EEF1A2: variants seen among roughly 807,000 people sequenced by gnomAD.
EEF1A2 encodes the protein elongation factor 1-alpha 2.
In EEF1A2, 5 loss-of-function variants were observed where a neutral mutation model predicts 39.3. The observed-to-expected ratio is 0.13, with a 90% confidence interval of 0.07 to 0.27. The LOEUF (loss-of-function observed/expected upper bound fraction) is 0.27. Ranked by LOEUF, EEF1A2 falls within the 10% of genes least tolerant of loss-of-function variation. EEF1A2 has a pLI of 1.00. For synonymous variants in EEF1A2, 287 were observed against 293.7 expected (o/e 0.98, Z 0.23); for missense variants, 218 against 681.4 (o/e 0.32, Z 7.57).
chr20:63,490,300 C>T (rs1452783605), intron 6 of EEF1A2, 179 bp downstream of exon 6: 6 of 729,270 alleles, frequency 8.2e-6, no homozygotes, highest in South Asian at 3.9e-5. Flanking sequence ...CTCTTGACCT[C>T]GTGATCTGCC....
chr20:63,490,456 C>T, intron 6 of EEF1A2, 23 bp downstream of exon 6: 1 of 1,599,728 alleles, frequency 6.3e-7, no homozygotes. Flanking sequence ...CGCCAGCCCC[C>T]TGGACCCAGC....
At chr20:63,489,267 G>T (rs1246419909) in intron 6 of EEF1A2, 115 bp from the exon 7 acceptor site, 2 of 1,038,576 alleles carry the variant, frequency 1.9e-6, no homozygotes, top group African/African-American at 1.6e-5. Flanking sequence ...TCCTGGGCCC[G>T]GAGTGCTGAC....
chr20:63,490,384 C>G, intron 6 of EEF1A2, 95 bp downstream of exon 6: 3 of 1,482,978 alleles, frequency 2.0e-6, no homozygotes, highest in Non-Finnish European at 2.7e-6. Flanking sequence ...GGTTTTCTCC[C>G]CACGCCAGGC....
In EEF1A2 at chr20:63,489,025, T is replaced by C; in HGVS notation, c.1157A>G (p.Lys386Arg). 6.2e-7 allele frequency: 1 copy of C among 1,612,762 alleles called. No homozygotes were observed. Among genetic ancestry groups the C allele is most frequent in the Non-Finnish European group, 8.5e-7 (1 of 1,179,934 alleles). The change falls in exon 7 of 8, where the codon AAG becomes AGG. Residue 386 changes from lysine to arginine, a missense_variant. By Grantham distance (26) the Lys-to-Arg change is conservative. This residue lies in a region of EEF1A2 where 80 missense variants were observed against 295.9 expected (regional missense o/e 0.27). Coordinates refer to ENST00000217182, the MANE Select transcript of EEF1A2 (RefSeq NM_001958.5). ...CAGGGACTTGGGGTTGTCCTCCAGC[T>C]TCTTGCCAGAGCGCCGGTCAATCTT... ...KEKIDRRSGK[K>R]LEDNPKSLKS...
chr20:63,490,080 T>C, intron 6 of EEF1A2: 1 of 159,776 alleles, frequency 6.3e-6, no homozygotes, highest in Non-Finnish European at 1.4e-5. Context: ...TTTTTTTTTT[T>C]CTTTTGAGAC....
chr20:63,488,498 G>T, intron 7 of EEF1A2, 73 bp from the exon 8 acceptor site: 3 of 1,318,210 alleles, frequency 2.3e-6, no homozygotes, highest in Non-Finnish European at 2.9e-6. Flanking sequence ...CTCTGGCCGG[G>T]CGGGGGCGCA....
At chr20:63,496,228 G>A (rs2082416034) in intron 2 of EEF1A2, 193 bp from the exon 3 acceptor site, 1 of 652,210 alleles carries the variant, frequency 1.5e-6, no homozygotes. Context: ...GCCCCCCAGG[G>A]CCGGCCTCCG....
chr20:63,494,237 C>A lies in EEF1A2; in HGVS notation c.621+568G>T, dbSNP rs1250434748. Among the ~76,000 whole-genome samples the A allele has an allele frequency of 2.0e-5, 3 of 152,234 alleles. No homozygotes were observed. The East Asian group carries it at 5.8e-4, about 29-fold the overall frequency. ...CAGTCTCAGGTTCTGCAAGTGTCTC[C>A]ACGCGTCACCTCCAGCCAAGGCAGA... On this transcript the variant is annotated intron_variant, in intron 4 of 7. Transcript: ENST00000217182.
chr20:63,488,814 G>T, intron 7 of EEF1A2, 104 bp downstream of exon 7: 2 of 1,252,330 alleles, frequency 1.6e-6, no homozygotes, highest in South Asian at 1.4e-5. Flanking sequence ...CGCAGGAAAG[G>T]GGGCCCACTG....
chr20:63,497,893 G>A lies in EEF1A2; in HGVS notation c.-71-59C>T. 1.6e-6 allele frequency: 2 copies of A among 1,266,088 alleles called. No individual in the cohort carries two copies. Among genetic ancestry groups the A allele is most frequent in the Non-Finnish European group, 1.1e-6 (1 of 917,594 alleles). 78.4% of individuals were successfully genotyped at this position (1,266,088 alleles called of 1,614,324 possible). On this transcript the variant is annotated intron_variant, in intron 1 of 7. Coordinates refer to ENST00000217182, the MANE Select transcript of EEF1A2 (RefSeq NM_001958.5). This position sits in a 1 kb window ranked among gnomAD's most constrained non-coding sequence, Gnocchi z 7.3. ...TGGGGAGCCCCAGGGGGAGACACCAGCAGAGACTGTCCTGGCACAGGCTGG... is the reference window on the plus strand; with the variant it reads ...TGGGGAGCCCCAGGGGGAGACACCAACAGAGACTGTCCTGGCACAGGCTGG...
At chr20:63,490,766 T>C in intron 5 of EEF1A2, 31 bp from the exon 6 acceptor site, 3 of 1,563,150 alleles carry the variant, frequency 1.9e-6, no homozygotes, top group Non-Finnish European at 2.6e-6. Context: ...GAGGGGAAGG[T>C]GGGGCCCGAG....
chr20:63,490,809 C>A lies in EEF1A2; in HGVS notation c.773-74G>T, dbSNP rs1600903766. On this transcript the variant is annotated intron_variant, in intron 5 of 7. Coordinates refer to ENST00000217182, the MANE Select transcript of EEF1A2 (RefSeq NM_001958.5). ...TGGGGCAGGATATTCGGGGACAGAG[C>A]CTGGAAACCAACAAAGCCTGGGACT... The A allele has an allele frequency of 1.8e-5, 28 of 1,514,206 alleles. No individual in the cohort carries two copies. In the East Asian group the frequency reaches 6.3e-4, roughly 34 times the overall value. 93.8% of individuals were successfully genotyped at this position (1,514,206 alleles called of 1,614,324 possible).
chr20:63,488,409 G>T lies in EEF1A2; in HGVS notation c.1281C>A (p.Arg427=). 1 of 1,465,924 alleles carries T rather than the reference G, an allele frequency of 6.8e-7. No individual in the cohort carries two copies. The allele number at this position is 1,465,924 out of a possible 1,614,324, so 90.8% of individuals were successfully genotyped here. ...QYPPLGRFAV[R]DMRQTVAVGV... is the part of the protein sequence containing the mutation. ...CTACGGCCACCGTCTGCCTCATGTC[G>T]CGCACGGCGAAGCGGCCTGGGGGGC... Residue 427 remains arginine (R), a synonymous_variant, in exon 8 of 8, where the codon CGC becomes CGA. Transcript: ENST00000217182.
Position 63,488,378 on chromosome 20 carries a change from T to C in EEF1A2, c.1312A>G (p.Ile438Val). Reference sequence around the variant, plus strand: ...CCGCTCTTCTTCTCCACGTTCTTGATGACGCCTACGGCCACCGTCTGCCTC... The same window carrying C: ...CCGCTCTTCTTCTCCACGTTCTTGACGACGCCTACGGCCACCGTCTGCCTC... ...DMRQTVAVGV[I>V]KNVEKKSGGA... Residue 438 changes from isoleucine to valine, a missense_variant, in exon 8 of 8, where the codon ATC becomes GTC. Coordinates refer to ENST00000217182, the MANE Select transcript of EEF1A2 (RefSeq NM_001958.5). 6.8e-7 allele frequency: 1 copy of C among 1,479,628 alleles called. No individual in the cohort carries two copies. The allele number at this position is 1,479,628 out of a possible 1,614,324, so 91.7% of individuals were successfully genotyped here. A position where few individuals can be genotyped will look rare whatever the true frequency, so the allele number is the denominator to read the frequency against.
intron 7 of EEF1A2, 111 bp from the exon 8 acceptor site, chr20:63,488,536 G>T: frequency 7.8e-7 from 1 of 1,287,966 alleles, no homozygotes; most frequent in South Asian, 1.8e-5. Flanking sequence ...CTCGGAACAC[G>T]CTTAGCGCAG....
rs1026671545 is a variant in EEF1A2 at position 63,497,324 on chromosome 20, C to A, written c.144+296G>T. 3.2e-6 allele frequency: 1 copy of A among 311,404 alleles called. No homozygotes were observed. Among genetic ancestry groups the A allele is most frequent in the Non-Finnish European group, 5.9e-6 (1 of 169,252 alleles). 19.3% of individuals were successfully genotyped at this position (311,404 alleles called of 1,614,324 possible). On this transcript the variant is annotated intron_variant, in intron 2 of 7. Transcript: ENST00000217182. The surrounding 1 kb of genome is among the most constrained non-coding windows in gnomAD (Gnocchi z 7.3). Reference sequence around the variant, plus strand: ...GGGTAAGGCTCCAGCGCCCTCCAGCCCCAGCTCAACATGGCAGAGTTCCAG... The same window carrying A: ...GGGTAAGGCTCCAGCGCCCTCCAGCACCAGCTCAACATGGCAGAGTTCCAG...
In EEF1A2 at chr20:63,488,979, G is replaced by T. The variant is rs758653621; in HGVS notation, c.1203C>A (p.Ile401=). 4 of 1,612,584 alleles carry T rather than the reference G, an allele frequency of 2.5e-6. No individual in the cohort carries two copies. The highest frequency in any genetic ancestry group is 1.1e-5 in the South Asian group (1 of 91,084). Residue 401 remains isoleucine (I), a synonymous_variant, in exon 7 of 8, where the codon ATC becomes ATA. Transcript: ENST00000217182. ...PKSLKSGDAA[I]VEMVPGKPMC... ...TGGGCTTTCCCGGCACCATCTCCAC[G>T]ATGGCCGCGTCTCCAGACTTCAGGG...
chr20:63,491,331 T>C (rs1237564703), intron 5 of EEF1A2, among the ~76,000 whole-genome samples: 1 of 152,230 alleles, frequency 6.6e-6, no homozygotes. Context: ...CTGGCATTTC[T>C]CATGGATCTA....
rs776003734 is a variant in EEF1A2 at position 63,497,589 on chromosome 20, G to A, written c.144+31C>T. On this transcript the variant is annotated intron_variant, in intron 2 of 7. Transcript: ENST00000217182. This position sits in a 1 kb window ranked among gnomAD's most constrained non-coding sequence, Gnocchi z 7.3. ...CACGGGAGTTGGGGGTTCCTTCTCA[G>A]GGGGCCAAGACCATAGCCTGGGGAG... The A allele has an allele frequency of 3.1e-6, 5 of 1,594,428 alleles. No homozygotes were observed. Among genetic ancestry groups the A allele is most frequent in the Non-Finnish European group, 3.4e-6 (4 of 1,168,632 alleles).
Sources: gnomAD v4.1 joint callset for allele counts (sites outside exome capture counted in the v4.1 genomes callset) on GRCh38, gnomAD v4.1.1 for gene constraint, gnomAD v4.1.1 regional missense constraint, Gnocchi (gnomAD v3.1) non-coding constraint, MANE v1.5 for transcripts, NCBI Gene and HGNC (gene_info 2026-07-23, HGNC 2026-07-21) for gene names.